The following PTP4A1 variants were observed in gnomAD, a reference collection of about 807,000 sequenced individuals.
PTP4A1 encodes protein tyrosine phosphatase type IVA 1.
Under a neutral mutation model 20.5 loss-of-function variants are expected in PTP4A1, and 9 were observed. The observed-to-expected ratio is 0.44, with a 90% CI of 0.26 to 0.77. The LOEUF (loss-of-function observed/expected upper bound fraction) is 0.77. Among genes scored for constraint, PTP4A1 ranks in the 30% least tolerant of loss-of-function variants. The pLI is 0.19. For missense variants in PTP4A1, 137 were observed against 218.8 expected (o/e 0.63, Z 2.36); for synonymous variants, 78 against 67.4 (o/e 1.16, Z -0.77).
chr6:63,573,428 A>G (rs1329339902), intron 1 of PTP4A1: 2 of 152,014 alleles, frequency 1.3e-5, no homozygotes, highest in Non-Finnish European at 2.9e-5. Context: ...CCGGGACCCG[A>G]GCCTCAGACA....
At chr6:63,520,010 T>C (rs1379069984), upstream of PTP4A1, among the ~76,000 whole-genome samples, 4 of 152,236 alleles carry the variant, frequency 2.6e-5, no homozygotes, top group African/African-American at 9.6e-5. Flanking sequence ...ATGTATCATC[T>C]ACCTATAATT....
chr6:63,566,456 G>A (rs558349642), intron 3 of PTP4A1, among the ~76,000 whole-genome samples: 95 of 152,268 alleles, frequency 6.2e-4, no homozygotes, highest in African/African-American at 2.3e-3. Context: ...TGTTCAAGCT[G>A]GTTTGGGTTC....
At chr6:63,567,841 C>G (rs1214573335), upstream of PTP4A1, among the ~76,000 whole-genome samples, 1 of 152,212 alleles carries the variant, frequency 6.6e-6, no homozygotes, top group African/African-American at 2.4e-5. Context: ...GCTAAATCTT[C>G]TCAATAACTT....
chr6:63,530,689 T>C (rs1322410745), intron 2 of PTP4A1, among the ~76,000 whole-genome samples: 1 of 152,146 alleles, frequency 6.6e-6, no homozygotes, highest in Non-Finnish European at 1.5e-5. Context: ...AAATAAAACA[T>C]ATACATAGAA....
chr6:63,537,187 G>A (rs1775763620), intron 2 of PTP4A1, among the ~76,000 whole-genome samples: 1 of 152,150 alleles, frequency 6.6e-6, no homozygotes, highest in South Asian at 2.1e-4. Context: ...TTAAGAGGGT[G>A]GGGACAGTAG....
At chr6:63,546,730 C>T (rs923045165) in intron 2 of PTP4A1, among the ~76,000 whole-genome samples, 4 of 151,954 alleles carry the variant, frequency 2.6e-5, no homozygotes, top group African/African-American at 4.8e-5. Flanking sequence ...AGAGTACAAG[C>T]TTTCAGTTAG....
At chr6:63,560,885 A>G (rs1681967) in intron 3 of PTP4A1, among the ~76,000 whole-genome samples, 19,989 of 152,178 alleles carry the variant, frequency 0.13, 1,654 homozygotes, top group African/African-American at 0.23. Flanking sequence ...GGGGAACAAC[A>G]TCTCTTGAAG....
At position 63,582,000 on chromosome 6, in the gene PTP4A1, T is replaced by G. The variant is rs1163437297; in HGVS notation, c.*1826T>G. 6.6e-6 allele frequency: 1 copy of G among 152,174 alleles called. No individual in the cohort carries two copies. The highest frequency in any genetic ancestry group is 2.4e-5 in the African/African-American group (1 of 41,456). The allele number at this position is 152,174 out of a possible 1,614,324, so 9.4% of individuals were successfully genotyped here. The stretch of plus-strand genomic sequence containing the variant: ...AAGGACTCAAAGTTTAAGTAAAAAG[T>G]GATACTCCACCTTGTGTTTCAAAGA... On this transcript the variant is annotated 3_prime_UTR_variant, in exon 6 of 6. Coordinates refer to ENST00000626021, the MANE Select transcript of PTP4A1 (RefSeq NM_003463.5).
intron 2 of PTP4A1, among the ~76,000 whole-genome samples, chr6:63,536,957 A>G (rs1775755555): frequency 6.6e-6 from 1 of 152,182 alleles, no homozygotes; most frequent in Non-Finnish European, 1.5e-5. Flanking sequence ...CAACTGGGTA[A>G]CATGTCAAAT....
At chr6:63,573,769 G>T (rs1207636844) in intron 1 of PTP4A1, among the ~76,000 whole-genome samples, 4 of 152,148 alleles carry the variant, frequency 2.6e-5, no homozygotes, top group African/African-American at 9.7e-5. Flanking sequence ...GGCCTGGTTC[G>T]GAGCGTCTTG....
exon 3 of PTP4A1, chr6:63,550,414 C>G (rs764477821): frequency 6.6e-6 from 1 of 152,078 alleles, no homozygotes; most frequent in Non-Finnish European, 1.5e-5. Flanking sequence ...TCAGACGACT[C>G]TACCTGAGGG....
At chr6:63,555,320 C>A (rs548337520) in intron 3 of PTP4A1, among the ~76,000 whole-genome samples, 2 of 151,948 alleles carry the variant, frequency 1.3e-5, no homozygotes, top group Non-Finnish European at 2.9e-5. Flanking sequence ...CGGAGAGTTC[C>A]CTGGAAATTA....
intron 2 of PTP4A1, among the ~76,000 whole-genome samples, chr6:63,531,769 G>T (rs780133836): frequency 1.3e-5 from 2 of 151,742 alleles, no homozygotes; most frequent in Non-Finnish European, 2.9e-5. Context: ...GTGATTACAG[G>T]CATGAACCAC....
At chr6:63,579,638 G>A (rs944019654) in intron 5 of PTP4A1, among the ~76,000 whole-genome samples, 3 of 152,072 alleles carry the variant, frequency 2.0e-5, no homozygotes, top group African/African-American at 7.2e-5. Flanking sequence ...AAATGCACAG[G>A]TCTCCAAAGG....
At chr6:63,526,010 A>T (rs1775149111) in intron 1 of PTP4A1, among the ~76,000 whole-genome samples, 1 of 152,160 alleles carries the variant, frequency 6.6e-6, no homozygotes, top group African/African-American at 2.4e-5. Flanking sequence ...AGGAGTTTCA[A>T]CCACTATATT....
Position 63,531,401 on chromosome 6 carries a change from A to AG in PTP4A1, c.-640+3317_-640+3318insG, listed in dbSNP as rs869202474. Among the ~76,000 whole-genome samples the AG allele has an allele frequency of 8.2e-5, 3 of 36,486 alleles. No individual in the cohort carries two copies. In the African/African-American group the frequency reaches 1.3e-3, roughly 16 times the overall value. The allele number at this position is 36,486 out of a possible 152,430, so 23.9% of individuals were successfully genotyped here. On this transcript the variant is annotated intron_variant, in intron 2 of 3. Coordinates refer to the PTP4A1 transcript ENST00000639568. Reference sequence around the variant, plus strand: ...CAAAAATGAACATTTATTTGGAAAGAAAAAACATAACAAATTATAATTTTT... The same window carrying AG: ...CAAAAATGAACATTTATTTGGAAAGAGAAAAACATAACAAATTATAATTTTT...
In PTP4A1 at chr6:63,580,127, C is replaced by T. The variant is rs757501922; in HGVS notation, c.475C>T (p.Arg159Cys). 1 of 1,613,302 alleles carries T rather than the reference C, an allele frequency of 6.2e-7. No homozygotes were observed. The highest frequency in any genetic ancestry group is 1.1e-5 in the South Asian group (1 of 91,054). Residue 159 changes from arginine (R) to cysteine (C), a missense_variant, in exon 6 of 6, where the codon CGT becomes TGT. Physicochemically the swap from Arg to Cys is radical, Grantham distance 180. Coordinates refer to ENST00000626021, the MANE Select transcript of PTP4A1 (RefSeq NM_003463.5). Reference sequence around the variant, plus strand: ...GAAGTATCGTCCTAAAATGCGGCTGCGTTTCAAAGATTCCAACGGTCATAG... The same window carrying T: ...GAAGTATCGTCCTAAAATGCGGCTGTGTTTCAAAGATTCCAACGGTCATAG... ...LEKYRPKMRL[R>C]FKDSNGHRNN...
intron 2 of PTP4A1, among the ~76,000 whole-genome samples, chr6:63,530,525 C>G (rs1775407605): frequency 6.6e-6 from 1 of 152,214 alleles, no homozygotes; most frequent in South Asian, 2.1e-4. Context: ...CTGCACAACT[C>G]CAGTGGACGC....
chr6:63,537,875 G>A (rs1425274767), intron 2 of PTP4A1, among the ~76,000 whole-genome samples: 1 of 152,212 alleles, frequency 6.6e-6, no homozygotes, highest in Non-Finnish European at 1.5e-5. Flanking sequence ...GCCGTAGTGA[G>A]AGAGAAGTTG....
Sources: allele counts gnomAD v4.1 joint callset (sites outside exome capture counted in the v4.1 genomes callset), GRCh38; gene constraint gnomAD v4.1.1; transcripts MANE v1.5; gene names NCBI Gene and HGNC (gene_info 2026-07-23, HGNC 2026-07-21).